Variants in WDSUB1 observed in about 807,000 individuals in gnomAD.
The protein encoded by WDSUB1 is WD repeat, SAM and U-box domain-containing protein 1.
A neutral mutation model predicts 53.9 loss-of-function variants in WDSUB1; 49 were observed. The observed-to-expected ratio is 0.91, with a 90% confidence interval of 0.72 to 1.15. The LOEUF (loss-of-function observed/expected upper bound fraction) is 1.15, where lower values mean the gene tolerates loss of function less well. Among genes scored for constraint, WDSUB1 ranks in the 50% most tolerant of loss-of-function variants. WDSUB1 has a pLI of 0.00. For missense variants in WDSUB1, 514 were observed against 562.0 expected (o/e 0.91, Z 0.86); for synonymous variants, 194 against 200.6 (o/e 0.97, Z 0.28).
Position 159,256,206 on chromosome 2 carries a change from A to G in WDSUB1, c.1122T>C (p.Asp374=). ...TTTCACTAAGCTTACCAATTTTCAA[A>G]TCATCAGCCAGACTTTCTTTTGTAA... ...LNLTKESLAD[D]LKIESLGLRS... is the part of the protein sequence containing the mutation. The change falls in exon 9 of 11, where the codon GAT becomes GAC. Residue 374 remains aspartate (D), a synonymous_variant. Transcript: ENST00000359774. 1 of 1,595,322 alleles carries G rather than the reference A, an allele frequency of 6.3e-7. No individual in the cohort carries two copies. Among genetic ancestry groups the G allele is most frequent in the Admixed American group, 1.8e-5 (1 of 55,242 alleles).
chr2:159,261,890 ATATATATTTTTTTTTTTTTTTTTT>A (rs1434282490), intron 5 of WDSUB1, among the ~76,000 whole-genome samples: 11 of 13,638 alleles, frequency 8.1e-4, no homozygotes, highest in Admixed American at 6.6e-3. Flanking sequence ...ATATATATAT[ATATATATTTTTTTTTTTTTTTTTT>A]TTTTTTTTTT....
At chr2:159,237,377 T>G (rs1438360461) in intron 10 of WDSUB1, among the ~76,000 whole-genome samples, 1 of 152,044 alleles carries the variant, frequency 6.6e-6, no homozygotes, top group African/African-American at 2.4e-5. Flanking sequence ...ACAAATTAGC[T>G]GGGCATGGTG....
At chr2:159,240,153 C>T (rs1559522688) in intron 10 of WDSUB1, among the ~76,000 whole-genome samples, 1 of 152,202 alleles carries the variant, frequency 6.6e-6, no homozygotes, top group Non-Finnish European at 1.5e-5. Context: ...ATACACTATG[C>T]AGCCTTTGGT....
intron 4 of WDSUB1, among the ~76,000 whole-genome samples, chr2:159,274,633 GT>G (rs2061503875): frequency 6.6e-6 from 1 of 151,762 alleles, no homozygotes; most frequent in South Asian, 2.1e-4. Flanking sequence ...GGGTGACAGA[GT>G]GTCTACTCCC....
intron 9 of WDSUB1, among the ~76,000 whole-genome samples, chr2:159,249,670 G>A (rs1436515215): frequency 6.6e-6 from 1 of 152,054 alleles, no homozygotes; most frequent in Admixed American, 6.6e-5. Flanking sequence ...TTGCCTCTTG[G>A]GGGCTATTTG....
intron 5 of WDSUB1, among the ~76,000 whole-genome samples, chr2:159,261,534 C>A (rs2061188186): frequency 6.6e-6 from 1 of 152,088 alleles, no homozygotes; most frequent in Admixed American, 6.6e-5. Context: ...ATCCTAAGTT[C>A]TTCAAGGTAC....
intron 3 of WDSUB1, among the ~76,000 whole-genome samples, chr2:159,277,445 T>C (rs759803974): frequency 6.6e-6 from 1 of 152,244 alleles, no homozygotes; most frequent in African/African-American, 2.4e-5. Flanking sequence ...CTCTAAGTAG[T>C]GAAAATTCAG....
At chr2:159,247,886 A>AATAT (rs373694392) in intron 10 of WDSUB1, among the ~76,000 whole-genome samples, 34 of 63,754 alleles carry the variant, frequency 5.3e-4, no homozygotes, top group East Asian at 8.0e-4. Context: ...AAATTAAATA[A>AATAT]ATATATATAT....
chr2:159,269,256 C>T (rs2151123041), intron 5 of WDSUB1, among the ~76,000 whole-genome samples: 1 of 150,556 alleles, frequency 6.6e-6, no homozygotes, highest in Non-Finnish European at 1.5e-5. Context: ...CTGCAACCTC[C>T]ACCTCTTGGG....
chr2:159,236,281 G>A, intron 10 of WDSUB1, 91 bp from the exon 11 acceptor site: 2 of 1,271,144 alleles, frequency 1.6e-6, no homozygotes, highest in East Asian at 2.5e-5. Flanking sequence ...CCCTGCAGAG[G>A]CCTTTATTGT....
At chr2:159,249,446 A>G (rs527696495) in intron 9 of WDSUB1, among the ~76,000 whole-genome samples, 1 of 152,310 alleles carries the variant, frequency 6.6e-6, no homozygotes, top group African/African-American at 2.4e-5. Flanking sequence ...AAGTGGGTAG[A>G]AGAATTAGAT....
chr2:159,268,079 AT>A (rs1189102308), intron 5 of WDSUB1, among the ~76,000 whole-genome samples: 1 of 152,240 alleles, frequency 6.6e-6, no homozygotes, highest in Non-Finnish European at 1.5e-5. Flanking sequence ...GCAAAGAATT[AT>A]ACCGCTATAA....
intron 10 of WDSUB1, among the ~76,000 whole-genome samples, chr2:159,241,212 G>A (rs1441246052): frequency 1.3e-5 from 2 of 152,182 alleles, no homozygotes; most frequent in Non-Finnish European, 2.9e-5. Flanking sequence ...ACCTACCAGT[G>A]CAGGGCAGGC....
At chr2:159,265,932 T>C (rs1293495709) in intron 5 of WDSUB1, among the ~76,000 whole-genome samples, 1 of 152,154 alleles carries the variant, frequency 6.6e-6, no homozygotes, top group Admixed American at 6.5e-5. Context: ...TGGTGGAATA[T>C]GTGAAGCAGA....
intron 1 of WDSUB1, among the ~76,000 whole-genome samples, chr2:159,285,377 T>C (rs1455027269): frequency 6.6e-6 from 1 of 151,060 alleles, no homozygotes; most frequent in African/African-American, 2.5e-5. Context: ...TGATAATCCT[T>C]TGTCCTAGTC....
intron 10 of WDSUB1, among the ~76,000 whole-genome samples, chr2:159,245,158 A>G (rs1466315554): frequency 6.6e-6 from 1 of 152,196 alleles, no homozygotes. Context: ...TCTATGTGGA[A>G]ATGCAAAAGG....
chr2:159,284,791 C>T (rs1480879543), intron 1 of WDSUB1, among the ~76,000 whole-genome samples: 2 of 152,118 alleles, frequency 1.3e-5, no homozygotes, highest in African/African-American at 2.4e-5. Flanking sequence ...ATATAATTCC[C>T]GCCTGCCCAC....
intron 9 of WDSUB1, among the ~76,000 whole-genome samples, chr2:159,249,439 T>G (rs566708403): frequency 6.6e-6 from 1 of 152,308 alleles, no homozygotes; most frequent in East Asian, 1.9e-4. Context: ...TAGGTTGAAG[T>G]GGGTAGAAGA....
At chr2:159,255,260 G>A (rs1352554899) in intron 9 of WDSUB1, among the ~76,000 whole-genome samples, 1 of 152,104 alleles carries the variant, frequency 6.6e-6, no homozygotes, top group African/African-American at 2.4e-5. Flanking sequence ...AAGGTCAGGA[G>A]ATCAAGACCA....
Sources: gnomAD v4.1 joint callset for allele counts (sites outside exome capture counted in the v4.1 genomes callset) on GRCh38, gnomAD v4.1.1 for gene constraint, MANE v1.5 for transcripts, NCBI Gene and HGNC (gene_info 2026-07-23, HGNC 2026-07-21) for gene names.